Variants in COX7B2 observed in about 807,000 individuals in gnomAD.
The protein encoded by COX7B2 is cytochrome c oxidase subunit 7B2.
For missense variants in COX7B2, 109 were observed against 95.9 expected (o/e 1.14, Z -0.57); for synonymous variants, 37 against 32.1 (o/e 1.15, Z -0.51).
At chr4:46,820,031 A>G (rs1714162076) in intron 2 of COX7B2, among the ~76,000 whole-genome samples, 1 of 152,224 alleles carries the variant, frequency 6.6e-6, no homozygotes, top group African/African-American at 2.4e-5. Flanking sequence ...GTTTCGTGGA[A>G]AACAATTTTT....
At chr4:46,785,629 C>G (rs1021032685) in intron 2 of COX7B2, among the ~76,000 whole-genome samples, 2 of 152,158 alleles carry the variant, frequency 1.3e-5, no homozygotes, top group Non-Finnish European at 2.9e-5. Flanking sequence ...CGTGTAAAGC[C>G]TTTTTATGCT....
rs375171142 is a variant in COX7B2, at chr4:46,867,659, C to A, written c.-104-22645G>T. Among the ~76,000 whole-genome samples the A allele has an allele frequency of 8.5e-5, 13 of 152,366 alleles. No individual in the cohort carries two copies. In the East Asian group the frequency reaches 2.1e-3, roughly 25 times the overall value. The stretch of plus-strand genomic sequence containing the variant: ...CATTCCTCCACAAGGAGCAGCCACT[C>A]TGCCATACATGGCCACCTCAATAAA... On this transcript the variant is annotated intron_variant, in intron 1 of 2. Transcript: ENST00000355591.
At chr4:46,753,152 G>A (rs1024377089) in intron 2 of COX7B2, among the ~76,000 whole-genome samples, 8 of 152,132 alleles carry the variant, frequency 5.3e-5, no homozygotes, top group Non-Finnish European at 7.3e-5. Flanking sequence ...TGGGGAGGAT[G>A]TATGTGTCGA....
intron 2 of COX7B2, among the ~76,000 whole-genome samples, chr4:46,762,910 T>C (rs1297688388): frequency 6.8e-6 from 1 of 146,706 alleles, no homozygotes; most frequent in Admixed American, 7.1e-5. Context: ...ATATGGTTAT[T>C]TGTGATAGTC....
chr4:46,838,567 C>T (rs996761664), intron 2 of COX7B2, among the ~76,000 whole-genome samples: 1 of 152,010 alleles, frequency 6.6e-6, no homozygotes, highest in African/African-American at 2.4e-5. Context: ...GGTCCATTAA[C>T]CCTGGGTAGA....
At chr4:46,775,637 A>G (rs1717115382) in intron 2 of COX7B2, among the ~76,000 whole-genome samples, 2 of 152,094 alleles carry the variant, frequency 1.3e-5, no homozygotes, top group African/African-American at 4.8e-5. Context: ...TATAAAACCT[A>G]TTACAGCAGC....
chr4:46,907,848 C>CTATTTTTTTTTTTTTTTTTT (rs1720493889), intron 1 of COX7B2, among the ~76,000 whole-genome samples: 1 of 59,728 alleles, frequency 1.7e-5, no homozygotes, highest in East Asian at 6.5e-4. Context: ...TTTGAGCAGA[C>CTATTTTTTTTTTTTTTTTTT]TTTTTTTTTT....
intron 2 of COX7B2, among the ~76,000 whole-genome samples, chr4:46,787,509 T>C (rs780012748): frequency 5.9e-5 from 9 of 152,132 alleles, no homozygotes; most frequent in Non-Finnish European, 1.2e-4. Context: ...CATTTGGTAC[T>C]TTCACCAGAA....
At chr4:46,754,273 T>C (rs1715605460) in intron 2 of COX7B2, among the ~76,000 whole-genome samples, 1 of 151,682 alleles carries the variant, frequency 6.6e-6, no homozygotes, top group African/African-American at 2.4e-5. Context: ...CGTATGTTTA[T>C]TGCAGCACTA....
chr4:46,884,434 G>A (rs1718945869), intron 1 of COX7B2, among the ~76,000 whole-genome samples: 1 of 152,092 alleles, frequency 6.6e-6, no homozygotes, highest in Non-Finnish European at 1.5e-5. Flanking sequence ...GTTCCAATTT[G>A]TATTATCTCA....
intron 2 of COX7B2, among the ~76,000 whole-genome samples, chr4:46,786,226 T>A (rs547416877): frequency 6.6e-6 from 1 of 152,336 alleles, no homozygotes; most frequent in African/African-American, 2.4e-5. Context: ...CTCTTTATAA[T>A]TTACTTTTGC....
chr4:46,886,769 T>C (rs1027408216), intron 1 of COX7B2, among the ~76,000 whole-genome samples: 2 of 152,210 alleles, frequency 1.3e-5, no homozygotes, highest in African/African-American at 4.8e-5. Context: ...CAAACAGAAG[T>C]AAGCAGAATC....
chr4:46,775,210 T>C (rs970908018), intron 2 of COX7B2, among the ~76,000 whole-genome samples: 6 of 152,092 alleles, frequency 3.9e-5, no homozygotes, highest in Non-Finnish European at 5.9e-5. Context: ...TTATGAAACA[T>C]AAGAAATATG....
At chr4:46,785,303 C>A (rs1284449355) in intron 2 of COX7B2, among the ~76,000 whole-genome samples, 2 of 151,328 alleles carry the variant, frequency 1.3e-5, no homozygotes, top group African/African-American at 4.9e-5. Flanking sequence ...TACAATACTG[C>A]TTTCATTAAA....
Position 46,900,725 on chromosome 4 carries a change from A to T in COX7B2, c.-105+8435T>A, listed in dbSNP as rs184340974. On this transcript the variant is annotated intron_variant, in intron 1 of 2. Transcript: ENST00000355591. ...TTAGTGCTCTTATAAAAGAGGCCCAATGAAGCTTGTTTGTCCCTACCACCA... is the reference window on the plus strand; with the variant it reads ...TTAGTGCTCTTATAAAAGAGGCCCATTGAAGCTTGTTTGTCCCTACCACCA... Among the ~76,000 whole-genome samples, 22 of 152,262 alleles carry T rather than the reference A, an allele frequency of 1.4e-4. 1 individual carries two copies. The highest frequency in any genetic ancestry group is 1.2e-3 in the Admixed American group (18 of 15,284).
intron 2 of COX7B2, among the ~76,000 whole-genome samples, chr4:46,802,841 G>A (rs1195158167): frequency 6.6e-6 from 1 of 152,128 alleles, no homozygotes; most frequent in African/African-American, 2.4e-5. Flanking sequence ...TGGAACTTTA[G>A]GGATTCATGA....
At chr4:46,895,863 A>G (rs552518523) in intron 1 of COX7B2, among the ~76,000 whole-genome samples, 3 of 152,304 alleles carry the variant, frequency 2.0e-5, no homozygotes, top group Admixed American at 2.0e-4. Context: ...AATAATTACA[A>G]TTAGACTTGA....
intron 2 of COX7B2, among the ~76,000 whole-genome samples, chr4:46,833,370 A>T (rs1355929494): frequency 6.6e-6 from 1 of 152,252 alleles, no homozygotes; most frequent in Non-Finnish European, 1.5e-5. Flanking sequence ...AGAGGATGTA[A>T]CTAGAATGAG....
At chr4:46,751,335 G>A (rs1715359222) in intron 2 of COX7B2, among the ~76,000 whole-genome samples, 1 of 139,018 alleles carries the variant, frequency 7.2e-6, no homozygotes, top group African/African-American at 2.6e-5. Flanking sequence ...TTGATTCTTG[G>A]TGGTAGAGTG....
Sources: allele counts gnomAD v4.1 joint callset (sites outside exome capture counted in the v4.1 genomes callset), GRCh38; gene constraint gnomAD v4.1.1; transcripts MANE v1.5; gene names NCBI Gene and HGNC (gene_info 2026-07-23, HGNC 2026-07-21).